Variants in MAGI2 observed in about 807,000 individuals in gnomAD.
MAGI2 encodes membrane associated guanylate kinase, WW and PDZ domain containing 2.
In MAGI2, 35 loss-of-function variants were observed where a neutral mutation model predicts 133.3. The ratio of observed to expected loss-of-function variants is 0.26; its 90% CI spans 0.20 to 0.35. The LOEUF (loss-of-function observed/expected upper bound fraction) is 0.35, where lower values mean the gene tolerates loss of function less well. Ranked by LOEUF, MAGI2 falls within the 10% of genes least tolerant of loss-of-function variation. The probability of loss-of-function intolerance (pLI) is 1.00; values close to 1 mark genes in which losing one functional copy is unlikely to be tolerated. For missense variants in MAGI2, 1,636 were observed against 1,863.4 expected (o/e 0.88, Z 2.25); for synonymous variants, 729 against 710.6 (o/e 1.03, Z -0.41).
chr7:78,757,040 T>C (rs1388053579), intron 2 of MAGI2, among the ~76,000 whole-genome samples: 1 of 152,150 alleles, frequency 6.6e-6, no homozygotes, highest in African/African-American at 2.4e-5. Flanking sequence ...AAGTCTCTAA[T>C]ACATCTCCCA....
At chr7:78,283,766 C>A (rs1361251410) in intron 9 of MAGI2, among the ~76,000 whole-genome samples, 2 of 151,986 alleles carry the variant, frequency 1.3e-5, no homozygotes, top group African/African-American at 4.8e-5. Context: ...AAAGTGGTTA[C>A]TGCTGTATGT....
At chr7:78,845,217 T>C (rs1313107658) in intron 2 of MAGI2, among the ~76,000 whole-genome samples, 2 of 151,932 alleles carry the variant, frequency 1.3e-5, no homozygotes, top group East Asian at 1.9e-4. Context: ...CACATGACCA[T>C]TGTCTTTCAA....
At chr7:78,071,624 T>TGGGGTTGCCTACATGCA (rs1814717366) in intron 21 of MAGI2, among the ~76,000 whole-genome samples, 1 of 152,172 alleles carries the variant, frequency 6.6e-6, no homozygotes, top group Non-Finnish European at 1.5e-5. Context: ...GCGGATTTCC[T>TGGGGTTGCCTACATGCA]GGGGTTGCCT....
At chr7:78,554,616 T>A (rs1223153337) in intron 3 of MAGI2, 1 of 152,108 alleles carries the variant, frequency 6.6e-6, no homozygotes, top group Non-Finnish European at 1.5e-5. Flanking sequence ...CCAGGAAGAA[T>A]TTTCTAACCT....
intron 6 of MAGI2, among the ~76,000 whole-genome samples, chr7:78,404,913 T>C (rs1352632140): frequency 6.6e-6 from 1 of 152,122 alleles, no homozygotes. Context: ...TTTTGCAATC[T>C]ACCCATCTGA....
intron 2 of MAGI2, among the ~76,000 whole-genome samples, chr7:78,742,292 C>T (rs891228648): frequency 2.0e-5 from 3 of 152,132 alleles, no homozygotes; most frequent in African/African-American, 7.2e-5. Flanking sequence ...TGGGACTACA[C>T]TGACAACAAG....
chr7:79,210,691 A>G (rs1829429405), intron 1 of MAGI2, among the ~76,000 whole-genome samples: 1 of 152,106 alleles, frequency 6.6e-6, no homozygotes, highest in African/African-American at 2.4e-5. Flanking sequence ...GCCACATTTC[A>G]TTCTACTTCC....
intron 16 of MAGI2, among the ~76,000 whole-genome samples, chr7:78,153,581 A>G (rs183226198): frequency 1.3e-5 from 2 of 152,346 alleles, no homozygotes; most frequent in African/African-American, 2.4e-5. Context: ...ATTTCTTGAC[A>G]GAGGTTGAGA....
chr7:78,722,563 T>C (rs1222185434), intron 2 of MAGI2, among the ~76,000 whole-genome samples: 2 of 152,044 alleles, frequency 1.3e-5, no homozygotes, highest in Non-Finnish European at 2.9e-5. Flanking sequence ...GAAATATAGA[T>C]CTTAAATCTC....
At chr7:79,098,329 T>A (rs1049708326) in intron 1 of MAGI2, among the ~76,000 whole-genome samples, 1 of 152,184 alleles carries the variant, frequency 6.6e-6, no homozygotes, top group African/African-American at 2.4e-5. Context: ...ACATGGGAGA[T>A]AATTGTATTT....
chr7:78,869,864 T>G, intron 2 of MAGI2, among the ~76,000 whole-genome samples: 1 of 152,306 alleles, frequency 6.6e-6, no homozygotes, highest in African/African-American at 2.4e-5. Context: ...TTCCCAACTT[T>G]ATGTTTTTAT....
intron 1 of MAGI2, among the ~76,000 whole-genome samples, chr7:79,293,358 T>G (rs1836653063): frequency 6.6e-6 from 1 of 152,230 alleles, no homozygotes; most frequent in African/African-American, 2.4e-5. Flanking sequence ...TACAAGTATA[T>G]AAAAATTTCC....
chr7:78,406,628 A>G (rs1797402861), intron 6 of MAGI2, among the ~76,000 whole-genome samples: 2 of 152,068 alleles, frequency 1.3e-5, no homozygotes, highest in Non-Finnish European at 2.9e-5. Flanking sequence ...AGTCTGTATT[A>G]TGATCAGTTA....
intron 2 of MAGI2, among the ~76,000 whole-genome samples, chr7:79,006,120 T>C (rs977357966): frequency 6.6e-6 from 1 of 152,200 alleles, no homozygotes; most frequent in Non-Finnish European, 1.5e-5. Context: ...AATTATCCAG[T>C]ATCTATTCCA....
At chr7:78,275,622 T>A (rs1426881643) in intron 9 of MAGI2, among the ~76,000 whole-genome samples, 1 of 152,190 alleles carries the variant, frequency 6.6e-6, no homozygotes, top group Non-Finnish European at 1.5e-5. Context: ...AACTCTGAGG[T>A]CATAAACATC....
chr7:78,948,826 G>A (rs1373115364), intron 2 of MAGI2, among the ~76,000 whole-genome samples: 2 of 151,960 alleles, frequency 1.3e-5, no homozygotes, highest in African/African-American at 4.8e-5. Context: ...ATATCACATT[G>A]ATAGTTTATT....
chr7:78,519,306 T>C (rs188894705), intron 4 of MAGI2, among the ~76,000 whole-genome samples: 28 of 152,212 alleles, frequency 1.8e-4, no homozygotes, highest in Non-Finnish European at 3.1e-4. Context: ...TGATGGACCA[T>C]TTTTTGGTTT....
intron 2 of MAGI2, among the ~76,000 whole-genome samples, chr7:78,773,096 AG>A (rs1825719414): frequency 6.6e-6 from 1 of 152,194 alleles, no homozygotes; most frequent in African/African-American, 2.4e-5. Context: ...ATATTACCTT[AG>A]ATCAGATAAT....
At chr7:79,202,125 T>C (rs1828663009) in intron 1 of MAGI2, among the ~76,000 whole-genome samples, 2 of 152,042 alleles carry the variant, frequency 1.3e-5, no homozygotes, top group Admixed American at 6.6e-5. Flanking sequence ...AGATAAAGAA[T>C]TAGTAGATAA....
Sources: gnomAD v4.1 joint callset for allele counts (sites outside exome capture counted in the v4.1 genomes callset) on GRCh38, gnomAD v4.1.1 for gene constraint, MANE v1.5 for transcripts, NCBI Gene and HGNC (gene_info 2026-07-23, HGNC 2026-07-21) for gene names.